TAFA1: variants seen among roughly 807,000 people sequenced by gnomAD.
The protein encoded by TAFA1 is TAFA chemokine like family member 1.
TAFA1 carries 4 observed loss-of-function variants against 18.5 expected under a neutral mutation model. The observed-to-expected ratio is 0.22, with a 90% confidence interval of 0.11 to 0.49. The LOEUF is 0.49. Ranked by LOEUF, TAFA1 falls within the 20% of genes least tolerant of loss-of-function variation. The pLI, the probability that TAFA1 is intolerant of heterozygous loss-of-function variation, is 0.98. For missense variants in TAFA1, 147 were observed against 169.0 expected, an observed-to-expected ratio of 0.87 and a Z score of 0.72; for synonymous variants, 56 against 55.2, an observed-to-expected ratio of 1.01 and a Z score of -0.06.
intron 2 of TAFA1, among the ~76,000 whole-genome samples, chr3:68,245,903 G>A (rs1483573903): frequency 6.6e-6 from 1 of 152,142 alleles, no homozygotes; most frequent in Admixed American, 6.5e-5. Flanking sequence ...CATAAAAGAG[G>A]GCTCATCTAG....
intron 2 of TAFA1, among the ~76,000 whole-genome samples, chr3:68,391,130 C>T (rs921400613): frequency 6.6e-6 from 1 of 152,090 alleles, no homozygotes; most frequent in Non-Finnish European, 1.5e-5. Context: ...GTTACAGGAA[C>T]TGCTAACTAG....
At chr3:68,427,669 G>A (rs563845311) in intron 3 of TAFA1, among the ~76,000 whole-genome samples, 2 of 151,820 alleles carry the variant, frequency 1.3e-5, no homozygotes, top group South Asian at 4.2e-4. Context: ...CCCCATACAA[G>A]TTCAAACAAC....
chr3:68,433,873 C>A (rs2071225044), intron 3 of TAFA1, among the ~76,000 whole-genome samples: 1 of 152,076 alleles, frequency 6.6e-6, no homozygotes, highest in African/African-American at 2.4e-5. Context: ...ATTTGGTGGG[C>A]CATCTCTTGA....
At chr3:68,211,866 G>T (rs562166165) in intron 2 of TAFA1, among the ~76,000 whole-genome samples, 2 of 152,038 alleles carry the variant, frequency 1.3e-5, no homozygotes, top group Admixed American at 6.6e-5. Flanking sequence ...CAGTGACACA[G>T]CACCAAGCCG....
chr3:68,340,518 A>C (rs2069062050), intron 2 of TAFA1, among the ~76,000 whole-genome samples: 1 of 152,214 alleles, frequency 6.6e-6, no homozygotes, highest in Non-Finnish European at 1.5e-5. Flanking sequence ...AATTTCCTTT[A>C]AATAGACTCA....
At chr3:68,247,874 C>T (rs2067114572) in intron 2 of TAFA1, 1 of 152,192 alleles carries the variant, frequency 6.6e-6, no homozygotes, top group Non-Finnish European at 1.5e-5. Context: ...TCTGATCTCC[C>T]TTTCTCTTTA....
At chr3:68,366,286 T>G (rs1436173034) in intron 2 of TAFA1, among the ~76,000 whole-genome samples, 1 of 152,138 alleles carries the variant, frequency 6.6e-6, no homozygotes, top group Non-Finnish European at 1.5e-5. Context: ...GTGAGTGTCC[T>G]TTCCAGTTTC....
intron 2 of TAFA1, among the ~76,000 whole-genome samples, chr3:68,032,371 A>T (rs1202958035): frequency 6.6e-6 from 1 of 151,994 alleles, no homozygotes; most frequent in Non-Finnish European, 1.5e-5. Context: ...TTTCCCTCTG[A>T]CTCTCATGCC....
intron 2 of TAFA1, among the ~76,000 whole-genome samples, chr3:68,324,070 G>A (rs1190675832): frequency 1.3e-5 from 2 of 152,068 alleles, no homozygotes; most frequent in Non-Finnish European, 2.9e-5. Flanking sequence ...ATATGCTTTC[G>A]ATTTTCCAAA....
intron 2 of TAFA1, among the ~76,000 whole-genome samples, chr3:68,095,307 C>T (rs887834586): frequency 5.3e-5 from 8 of 152,084 alleles, no homozygotes; most frequent in African/African-American, 1.9e-4. Flanking sequence ...TAAGTGGTGT[C>T]ATTTTAAAAA....
chr3:68,417,198 A>G (rs1444444983), intron 2 of TAFA1, 82 bp from the exon 3 acceptor site: 11 of 1,172,110 alleles, frequency 9.4e-6, no homozygotes, highest in Non-Finnish European at 1.4e-5. Context: ...ACTTTCCTCA[A>G]CCCCGCTACA....
intron 2 of TAFA1, among the ~76,000 whole-genome samples, chr3:68,191,108 A>G (rs544198734): frequency 6.6e-6 from 1 of 151,922 alleles, no homozygotes; most frequent in African/African-American, 2.4e-5. Flanking sequence ...AAGAGATGGG[A>G]GAGGTGAATG....
At chr3:68,045,042 C>G (rs1295891826) in intron 2 of TAFA1, among the ~76,000 whole-genome samples, 1 of 152,156 alleles carries the variant, frequency 6.6e-6, no homozygotes, top group African/African-American at 2.4e-5. Flanking sequence ...CAGCTGATCT[C>G]AGCTGGCTCA....
At chr3:68,031,005 TATC>T (rs146444909) in intron 2 of TAFA1, among the ~76,000 whole-genome samples, 252 of 152,266 alleles carry the variant, frequency 1.7e-3, no homozygotes, top group Non-Finnish European at 2.8e-3. Flanking sequence ...AAAAAAGAAA[TATC>T]ATGGATTTTG....
intron 2 of TAFA1, among the ~76,000 whole-genome samples, chr3:68,119,691 T>C (rs1056398442): frequency 6.6e-5 from 10 of 152,196 alleles, no homozygotes; most frequent in Non-Finnish European, 1.5e-4. Context: ...AGCAGATATG[T>C]GAGGGCTTAT....
Position 68,090,277 on chromosome 3 carries a change from G to A in TAFA1, c.118+83533G>A, listed in dbSNP as rs148106595. On this transcript the variant is annotated intron_variant, in intron 2 of 4. Coordinates refer to ENST00000478136, the MANE Select transcript of TAFA1 (RefSeq NM_213609.4). ...TATTCTGAGATGCTTACAGATTCACGTGCACTTGTACAAAATAATATAGCG... is the reference window on the plus strand; with the variant it reads ...TATTCTGAGATGCTTACAGATTCACATGCACTTGTACAAAATAATATAGCG... Among the ~76,000 whole-genome samples, 270 of 152,192 alleles carry A rather than the reference G, an allele frequency of 1.8e-3. 2 individuals carry two copies. Among genetic ancestry groups the A allele is most frequent in the African/African-American group, 5.6e-3 (232 of 41,530 alleles).
At chr3:68,237,535 T>G (rs537542048) in intron 2 of TAFA1, among the ~76,000 whole-genome samples, 1 of 152,160 alleles carries the variant, frequency 6.6e-6, no homozygotes, top group Non-Finnish European at 1.5e-5. Context: ...TAACAAGGCA[T>G]GTATGTATGA....
intron 2 of TAFA1, among the ~76,000 whole-genome samples, chr3:68,348,591 A>G (rs561059760): frequency 6.6e-6 from 1 of 152,262 alleles, no homozygotes; most frequent in African/African-American, 2.4e-5. Flanking sequence ...TTAAGCTGTA[A>G]GATCCAATTC....
At chr3:68,472,076 G>A (rs747086107) in intron 3 of TAFA1, among the ~76,000 whole-genome samples, 2 of 151,936 alleles carry the variant, frequency 1.3e-5, no homozygotes, top group African/African-American at 4.8e-5. Flanking sequence ...CATGAGATTT[G>A]GGGGGGACCA....
Sources: allele counts gnomAD v4.1 joint callset (sites outside exome capture counted in the v4.1 genomes callset), GRCh38; gene constraint gnomAD v4.1.1; transcripts MANE v1.5; gene names NCBI Gene and HGNC (gene_info 2026-07-23, HGNC 2026-07-21).